ARHGAP39: variants seen among roughly 807,000 people sequenced by gnomAD.
ARHGAP39 encodes the protein Rho GTPase activating protein 39.
In ARHGAP39, 44 loss-of-function variants were observed where a neutral mutation model predicts 106.9. That is an observed-to-expected ratio of 0.41 (90% CI 0.32 to 0.53). The LOEUF (loss-of-function observed/expected upper bound fraction) is 0.53. Ranked by LOEUF, ARHGAP39 falls within the 20% of genes least tolerant of loss-of-function variation. ARHGAP39 has a pLI of 0.21. For synonymous variants in ARHGAP39, 768 were observed against 693.2 expected, an observed-to-expected ratio of 1.11 and a Z score of -1.69; for missense variants, 1,496 against 1,577.3, an observed-to-expected ratio of 0.95 and a Z score of 0.87.
intron 2 of ARHGAP39, among the ~76,000 whole-genome samples, chr8:144,589,515 G>A (rs150271101): frequency 0.02 from 3,022 of 152,280 alleles, 74 homozygotes; most frequent in Admixed American, 0.064. Context: ...ACACCGACTT[G>A]GTGACCACGA....
rs993264593 is a variant in ARHGAP39, at chr8:144,585,679, C to T, written c.81-4402G>A. On this transcript the variant is annotated intron_variant, in intron 2 of 11. Transcript: ENST00000377307. The surrounding 1 kb of genome is among the most constrained non-coding windows in gnomAD (Gnocchi z 4.6). ...CAGGCTTGGCGGGGCCAGGACCTCC[C>T]GCCCATGGTGCCACGCGCTGCAGCC... 2.6e-5 allele frequency among the ~76,000 whole-genome samples: 4 copies of T among 152,306 alleles called. No homozygotes were observed. Among genetic ancestry groups the T allele is most frequent in the Non-Finnish European group, 1.5e-5 (1 of 68,022 alleles).
intron 3 of ARHGAP39, among the ~76,000 whole-genome samples, chr8:144,575,693 G>A (rs778486887): frequency 2.3e-4 from 35 of 151,936 alleles, no homozygotes; most frequent in Non-Finnish European, 4.1e-4. Context: ...TTAAGTGCAC[G>A]CTAAATGATA....
intron 3 of ARHGAP39, among the ~76,000 whole-genome samples, chr8:144,557,347 C>T (rs1431204679): frequency 1.1e-4 from 14 of 129,772 alleles, no homozygotes; most frequent in Admixed American, 5.4e-4. Context: ...GCTGAACCTT[C>T]GTAGTATTCA....
At chr8:144,556,283 T>TAAAAA (rs773901158) in intron 3 of ARHGAP39, among the ~76,000 whole-genome samples, 1 of 87,294 alleles carries the variant, frequency 1.1e-5, no homozygotes, top group Non-Finnish European at 2.2e-5. Context: ...AGACTCCATC[T>TAAAAA]AAAAAAAAAA....
At chr8:144,540,508 T>C (rs943400733) in intron 6 of ARHGAP39, among the ~76,000 whole-genome samples, 8 of 152,184 alleles carry the variant, frequency 5.3e-5, no homozygotes, top group South Asian at 2.1e-4. Context: ...TGCTAGTATA[T>C]AGAAATATGA....
chr8:144,669,506 C>CAAAAAAAAAAAAAAAAAA (rs55678140), intron 1 of ARHGAP39, among the ~76,000 whole-genome samples: 42 of 59,730 alleles, frequency 7.0e-4, no homozygotes, highest in African/African-American at 2.6e-3. Context: ...GACTCGGTCT[C>CAAAAAAAAAAAAAAAAAA]AAAAAAAAAA....
At chr8:144,555,725 G>T in intron 3 of ARHGAP39, 82 bp from the exon 4 acceptor site, 1 of 1,218,534 alleles carries the variant, frequency 8.2e-7, no homozygotes, top group Non-Finnish European at 1.2e-6. Context: ...TTAAGAATGT[G>T]GCACTGCCAC....
intron 7 of ARHGAP39, among the ~76,000 whole-genome samples, chr8:144,534,437 G>A (rs1816870458): frequency 6.6e-6 from 1 of 152,218 alleles, no homozygotes; most frequent in Admixed American, 6.5e-5. Flanking sequence ...GAACCGCCTG[G>A]CAGCTCCACC....
At chr8:144,672,106 C>A (rs1188296106) in intron 1 of ARHGAP39, among the ~76,000 whole-genome samples, 1 of 152,254 alleles carries the variant, frequency 6.6e-6, no homozygotes, top group Non-Finnish European at 1.5e-5. Context: ...TGGGAATTTC[C>A]ACAGCACGCC....
chr8:144,613,403 T>C (rs190881465), intron 1 of ARHGAP39, among the ~76,000 whole-genome samples: 1 of 152,346 alleles, frequency 6.6e-6, no homozygotes, highest in Non-Finnish European at 1.5e-5. Flanking sequence ...CTGCTGGTAA[T>C]GAACTAGTTC....
chr8:144,675,421 G>C (rs1457760485), intron 1 of ARHGAP39, among the ~76,000 whole-genome samples: 1 of 152,202 alleles, frequency 6.6e-6, no homozygotes, highest in African/African-American at 2.4e-5. Flanking sequence ...AGCTCTTAAA[G>C]ATGGTGTGTC....
chr8:144,535,125 G>A (rs1816902455), intron 7 of ARHGAP39, among the ~76,000 whole-genome samples: 3 of 152,176 alleles, frequency 2.0e-5, no homozygotes, highest in Admixed American at 6.5e-5. Flanking sequence ...CAGGGTGAGG[G>A]GGGCCTCTGG....
rs201840878 is a variant in ARHGAP39, at chr8:144,600,812, CGT to C, written c.80+4721_80+4722del. On this transcript the variant is annotated intron_variant, in intron 2 of 11. Transcript: ENST00000377307. ...GCGTGAGCTCATCTACCTACCTGCG[CGT>C]GTGTGTGCGTGGAGGCGTGTGTGTG... Among the ~76,000 whole-genome samples, 901 of 139,408 alleles carry C rather than the reference CGT, an allele frequency of 6.5e-3. 6 individuals are homozygous for C. The highest frequency in any genetic ancestry group is 0.021 in the African/African-American group (786 of 36,976). The allele number at this position is 139,408 out of a possible 152,430, so 91.5% of individuals were successfully genotyped here. A position where few individuals can be genotyped will look rare whatever the true frequency, so the allele number is the denominator to read the frequency against.
intron 10 of ARHGAP39, among the ~76,000 whole-genome samples, chr8:144,531,220 T>C (rs59908058): frequency 0.069 from 8,216 of 118,326 alleles, 1,615 homozygotes; most frequent in African/African-American, 0.34. Flanking sequence ...GGGCTAGACA[T>C]AGCAGGCACG....
chr8:144,655,286 CCT>C (rs959654544), intron 1 of ARHGAP39, among the ~76,000 whole-genome samples: 19 of 152,158 alleles, frequency 1.2e-4, no homozygotes, highest in Non-Finnish European at 2.5e-4. Flanking sequence ...CAATTCCTCC[CCT>C]CTGAGGCCCA....
intron 3 of ARHGAP39, among the ~76,000 whole-genome samples, chr8:144,576,083 G>A (rs1346706751): frequency 6.6e-6 from 1 of 152,122 alleles, no homozygotes; most frequent in African/African-American, 2.4e-5. Context: ...CTGTAATCCA[G>A]CACTTTGGGA....
rs191433919 is a variant in ARHGAP39, at chr8:144,681,962, T to C, written c.-82+3724A>G. Among the ~76,000 whole-genome samples the C allele has an allele frequency of 1.1e-4, 16 of 152,314 alleles. No homozygotes were observed. In the East Asian group the frequency reaches 3.1e-3, roughly 29 times the overall value. On this transcript the variant is annotated intron_variant, in intron 1 of 11. Coordinates refer to ENST00000377307, the MANE Select transcript of ARHGAP39 (RefSeq NM_025251.3). ...TATGGGGAATCTTTCCACTATGTTC[T>C]GAAACAAGTTAAATCTTACTTCTCG...
chr8:144,610,259 T>C (rs991556932), intron 1 of ARHGAP39, among the ~76,000 whole-genome samples: 7 of 152,364 alleles, frequency 4.6e-5, no homozygotes, highest in African/African-American at 1.7e-4. Flanking sequence ...ACTGACTGCC[T>C]CAAAAAGACA....
intron 6 of ARHGAP39, among the ~76,000 whole-genome samples, chr8:144,543,407 G>C (rs892066406): frequency 3.9e-5 from 6 of 152,170 alleles, no homozygotes; most frequent in Non-Finnish European, 5.9e-5. Context: ...CCTCTCTTCT[G>C]GGCTCAGGGC....
Sources: gnomAD v4.1 joint callset for allele counts (sites outside exome capture counted in the v4.1 genomes callset) on GRCh38, gnomAD v4.1.1 for gene constraint, Gnocchi (gnomAD v3.1) non-coding constraint, MANE v1.5 for transcripts, NCBI Gene and HGNC (gene_info 2026-07-23, HGNC 2026-07-21) for gene names.